Variants in FHOD3 observed in about 807,000 individuals in gnomAD.
The protein encoded by FHOD3 is formin homology 2 domain containing 3, also known as FH1/FH2 domain-containing protein 3.
In FHOD3, 90 loss-of-function variants were observed where a neutral mutation model predicts 173.0. That is an observed-to-expected ratio of 0.52 (90% CI 0.44 to 0.62). The LOEUF is 0.62. Ranked by LOEUF, FHOD3 falls within the 20% of genes least tolerant of loss-of-function variation. FHOD3 has a pLI of 0.00. For synonymous variants in FHOD3, 828 were observed against 823.0 expected, an observed-to-expected ratio of 1.01 and a Z score of -0.10; for missense variants, 1,945 against 2,034.7, an observed-to-expected ratio of 0.96 and a Z score of 0.85.
intron 7 of FHOD3, 97 bp downstream of exon 7, chr18:36,594,995 T>G: frequency 1.3e-6 from 1 of 750,406 alleles, no homozygotes; most frequent in Non-Finnish European, 2.1e-6. Flanking sequence ...TAAGAATTAA[T>G]AGAATTCCCG....
intron 1 of FHOD3, among the ~76,000 whole-genome samples, chr18:36,315,823 G>A (rs2044089107): frequency 1.3e-5 from 2 of 152,140 alleles, no homozygotes; most frequent in African/African-American, 2.4e-5. Flanking sequence ...TCTGCTCACA[G>A]ACCCGACTTT....
chr18:36,342,579 AACT>A (rs1258191401), intron 1 of FHOD3, among the ~76,000 whole-genome samples: 1 of 152,250 alleles, frequency 6.6e-6, no homozygotes, highest in Non-Finnish European at 1.5e-5. Context: ...CCAGGAAAAT[AACT>A]ACTAATGTAG....
intron 21 of FHOD3, among the ~76,000 whole-genome samples, chr18:36,741,281 A>C (rs1055769054): frequency 2.0e-5 from 3 of 152,196 alleles, no homozygotes; most frequent in Admixed American, 6.5e-5. Flanking sequence ...ACAGAAGGAA[A>C]TGGGCCTTAA....
chr18:36,625,900 A>G (rs1599932140), intron 10 of FHOD3, 151 bp downstream of exon 10: 1 of 623,176 alleles, frequency 1.6e-6, no homozygotes, highest in East Asian at 3.2e-5. Context: ...CCACCAGCCA[A>G]ACATCTCGGT....
In FHOD3 at chr18:36,396,502, A is replaced by G. The variant is rs75246391; in HGVS notation, c.337+23758A>G. 4.3e-3 allele frequency among the ~76,000 whole-genome samples: 647 copies of G among 152,034 alleles called. 8 individuals are homozygous for G. Among genetic ancestry groups the G allele is most frequent in the East Asian group, 0.037 (189 of 5,164 alleles). On this transcript the variant is annotated intron_variant, in intron 3 of 28. Coordinates refer to ENST00000590592, the MANE Select transcript of FHOD3 (RefSeq NM_001281740.3). The stretch of plus-strand genomic sequence containing the variant: ...AGCATTATTATTATTGTGTTTATTT[A>G]GTTTTCTGTCCTAGTTTATCATTTC...
At chr18:36,617,812 A>G (rs1282654906) in intron 9 of FHOD3, among the ~76,000 whole-genome samples, 1 of 152,144 alleles carries the variant, frequency 6.6e-6, no homozygotes, top group Non-Finnish European at 1.5e-5. Flanking sequence ...GGGTGAGGAC[A>G]GTGAGGGAAG....
At chr18:36,342,364 G>T (rs958494347) in intron 1 of FHOD3, among the ~76,000 whole-genome samples, 2 of 152,050 alleles carry the variant, frequency 1.3e-5, no homozygotes, top group Admixed American at 6.6e-5. Context: ...TTCAAGAAGT[G>T]CTGTGAATAC....
intron 5 of FHOD3, among the ~76,000 whole-genome samples, chr18:36,515,421 T>C (rs1270674984): frequency 6.6e-6 from 1 of 152,104 alleles, no homozygotes; most frequent in Non-Finnish European, 1.5e-5. Context: ...GGTTTCACCA[T>C]GTTAGCCAGG....
chr18:36,578,208 T>G (rs553957681), intron 6 of FHOD3, among the ~76,000 whole-genome samples: 1 of 151,842 alleles, frequency 6.6e-6, no homozygotes, highest in Admixed American at 6.6e-5. Context: ...AGGAAAGAGG[T>G]TTAATGGACT....
intron 3 of FHOD3, among the ~76,000 whole-genome samples, chr18:36,388,914 G>T (rs1159971005): frequency 6.6e-6 from 1 of 152,202 alleles, no homozygotes; most frequent in African/African-American, 2.4e-5. Flanking sequence ...TCTAGGGAAG[G>T]TGCCCTGGGG....
chr18:36,311,100 TG>T (rs2092245630), intron 1 of FHOD3, among the ~76,000 whole-genome samples: 1 of 151,012 alleles, frequency 6.6e-6, no homozygotes. Context: ...GAAAGAGAAT[TG>T]GGGCAAAGAA....
chr18:36,735,354 G>A (rs139931618), intron 20 of FHOD3, among the ~76,000 whole-genome samples: 51 of 152,338 alleles, frequency 3.3e-4, no homozygotes, highest in African/African-American at 1.2e-3. Context: ...AGTTGACTTA[G>A]CAGTGCCAGG....
chr18:36,679,192 A>G (rs1012675811), intron 14 of FHOD3, among the ~76,000 whole-genome samples: 5 of 152,066 alleles, frequency 3.3e-5, no homozygotes, highest in African/African-American at 1.2e-4. Context: ...TAATTTTTCA[A>G]GTGTATTATA....
chr18:36,769,478 C>T (rs758552061), intron 28 of FHOD3, 52 bp downstream of exon 28: 23 of 1,577,498 alleles, frequency 1.5e-5, no homozygotes, highest in East Asian at 4.5e-5. Flanking sequence ...GATCTGCCCT[C>T]CCATTCTACG....
At chr18:36,367,295 A>G (rs1573360) in intron 2 of FHOD3, among the ~76,000 whole-genome samples, 1,856 of 152,206 alleles carry the variant, frequency 0.012, 32 homozygotes, top group African/African-American at 0.042. Context: ...TCCCCTTGGC[A>G]CTTGGGTAGC....
chr18:36,402,371 C>A (rs1358681898), intron 3 of FHOD3, among the ~76,000 whole-genome samples: 1 of 152,050 alleles, frequency 6.6e-6, no homozygotes, highest in Non-Finnish European at 1.5e-5. Flanking sequence ...CACACATAAC[C>A]CATGCCACTA....
intron 16 of FHOD3, among the ~76,000 whole-genome samples, chr18:36,690,035 C>A (rs968075478): frequency 3.3e-5 from 5 of 152,184 alleles, no homozygotes; most frequent in Admixed American, 2.0e-4. Flanking sequence ...TTCTGTAGGG[C>A]CCTGTGAAAA....
intron 3 of FHOD3, among the ~76,000 whole-genome samples, chr18:36,439,328 G>C (rs142418892): frequency 9.2e-5 from 14 of 152,128 alleles, no homozygotes; most frequent in Non-Finnish European, 1.8e-4. Flanking sequence ...CCTGGCTTTC[G>C]CTTGCAGAGG....
intron 25 of FHOD3, among the ~76,000 whole-genome samples, chr18:36,757,942 G>A (rs1243261097): frequency 1.3e-5 from 2 of 152,206 alleles, no homozygotes; most frequent in Non-Finnish European, 2.9e-5. Context: ...CCACGTTGGA[G>A]GGCAGTGGTA....
Sources: gnomAD v4.1 joint callset for allele counts (sites outside exome capture counted in the v4.1 genomes callset) on GRCh38, gnomAD v4.1.1 for gene constraint, MANE v1.5 for transcripts, NCBI Gene and HGNC (gene_info 2026-07-23, HGNC 2026-07-21) for gene names.